The following CNTN3 variants were observed in gnomAD, a reference collection of about 807,000 sequenced individuals.
CNTN3 encodes the protein contactin-3.
Under a neutral mutation model 119.1 loss-of-function variants are expected in CNTN3, and 60 were observed. The observed-to-expected ratio is 0.50, with a 90% CI of 0.41 to 0.62. The LOEUF (loss-of-function observed/expected upper bound fraction) is 0.62, where lower values mean the gene tolerates loss of function less well. Ranked by LOEUF, CNTN3 falls within the 20% of genes least tolerant of loss-of-function variation. The pLI is 0.00. For synonymous variants in CNTN3, 450 were observed against 438.7 expected, an observed-to-expected ratio of 1.03 and a Z score of -0.32; for missense variants, 1,101 against 1,242.4, an observed-to-expected ratio of 0.89 and a Z score of 1.71.
chr3:74,379,966 C>T (rs1232767456), intron 5 of CNTN3, among the ~76,000 whole-genome samples: 2 of 152,132 alleles, frequency 1.3e-5, no homozygotes. Flanking sequence ...GAAACTTAGA[C>T]AATTCCCTCA....
At chr3:74,307,726 G>T (rs1208905084) in intron 13 of CNTN3, among the ~76,000 whole-genome samples, 1 of 152,042 alleles carries the variant, frequency 6.6e-6, no homozygotes, top group Non-Finnish European at 1.5e-5. Flanking sequence ...CTAAAATCAA[G>T]GTTTAAAATA....
intron 1 of CNTN3, among the ~76,000 whole-genome samples, chr3:74,557,121 AAAAG>A (rs151218749): frequency 0.07 from 10,714 of 152,230 alleles, 398 homozygotes; most frequent in Admixed American, 0.095. Context: ...TCTGCAGCAT[AAAAG>A]TTCCTAATTT....
intron 5 of CNTN3, among the ~76,000 whole-genome samples, chr3:74,392,798 G>A (rs963494592): frequency 1.3e-5 from 2 of 152,162 alleles, no homozygotes; most frequent in Non-Finnish European, 2.9e-5. Flanking sequence ...GTCAGGGACA[G>A]AGCTTATTTT....
At chr3:74,283,785 A>G (rs898508706) in intron 20 of CNTN3, among the ~76,000 whole-genome samples, 1 of 152,182 alleles carries the variant, frequency 6.6e-6, no homozygotes, top group Non-Finnish European at 1.5e-5. Context: ...AACCAAACAT[A>G]TTTAGTAAAG....
rs567935067 is a variant in CNTN3 at position 74,403,992 on chromosome 3, T to G, written c.454+20853A>C. On this transcript the variant is annotated intron_variant, in intron 5 of 22. Transcript: ENST00000263665. ...TCCTTCTTCCCAAACTCGTAATACT[T>G]TCATCTATTCTGCTCTTACAAGACT... Among the ~76,000 whole-genome samples the G allele has an allele frequency of 7.9e-5, 12 of 152,210 alleles. No individual in the cohort carries two copies. The East Asian group carries it at 9.6e-4, about 12-fold the overall frequency.
intron 13 of CNTN3, among the ~76,000 whole-genome samples, chr3:74,323,035 G>C (rs1280241206): frequency 6.6e-6 from 1 of 152,186 alleles, no homozygotes; most frequent in Non-Finnish European, 1.5e-5. Flanking sequence ...TTTTAGGGCG[G>C]TGAAGCTATT....
At chr3:74,393,488 C>A (rs1340284159) in intron 5 of CNTN3, among the ~76,000 whole-genome samples, 3 of 152,166 alleles carry the variant, frequency 2.0e-5, no homozygotes. Flanking sequence ...TGTGACCTTC[C>A]CTTTCTTGAT....
chr3:74,348,579 G>A (rs892813725), intron 11 of CNTN3, among the ~76,000 whole-genome samples: 19 of 152,104 alleles, frequency 1.2e-4, no homozygotes, highest in African/African-American at 4.3e-4. Context: ...ACTCACCCAT[G>A]CGGAGAGACC....
intron 1 of CNTN3, among the ~76,000 whole-genome samples, chr3:74,593,314 C>T (rs996355186): frequency 2.8e-4 from 43 of 151,928 alleles, no homozygotes; most frequent in Non-Finnish European, 1.5e-5. Flanking sequence ...TGAAAGAATA[C>T]AAACTCTATT....
intron 5 of CNTN3, among the ~76,000 whole-genome samples, chr3:74,417,329 C>T (rs977053552): frequency 3.3e-5 from 5 of 152,124 alleles, no homozygotes; most frequent in African/African-American, 7.2e-5. Flanking sequence ...GGGCAGTATT[C>T]GACAAGTATC....
intron 5 of CNTN3, among the ~76,000 whole-genome samples, chr3:74,394,382 T>TA (rs1215081517): frequency 6.6e-6 from 1 of 152,150 alleles, no homozygotes; most frequent in Non-Finnish European, 1.5e-5. Context: ...ATAACGCTAT[T>TA]AGAGAACAGA....
At chr3:74,475,180 A>C (rs1702633179) in intron 4 of CNTN3, among the ~76,000 whole-genome samples, 1 of 152,178 alleles carries the variant, frequency 6.6e-6, no homozygotes, top group Non-Finnish European at 1.5e-5. Flanking sequence ...TGCTTCACTC[A>C]CTAACATTAT....
intron 5 of CNTN3, among the ~76,000 whole-genome samples, chr3:74,379,974 T>G (rs1704575304): frequency 6.6e-6 from 1 of 152,240 alleles, no homozygotes; most frequent in East Asian, 1.9e-4. Context: ...GACAATTCCC[T>G]CATGCCACAG....
At chr3:74,425,816 T>A (rs1473400422) in intron 4 of CNTN3, among the ~76,000 whole-genome samples, 1 of 152,144 alleles carries the variant, frequency 6.6e-6, no homozygotes, top group Non-Finnish European at 1.5e-5. Context: ...GTATAAGTCC[T>A]ATTTTTCCCA....
intron 1 of CNTN3, among the ~76,000 whole-genome samples, chr3:74,582,533 A>G (rs1704529311): frequency 6.6e-6 from 1 of 152,248 alleles, no homozygotes; most frequent in African/African-American, 2.4e-5. Flanking sequence ...AAAATAGGCA[A>G]TACTTCAACA....
intron 1 of CNTN3, among the ~76,000 whole-genome samples, chr3:74,613,557 CTTG>C (rs1479562539): frequency 6.6e-6 from 1 of 152,100 alleles, no homozygotes; most frequent in Non-Finnish European, 1.5e-5. Context: ...GACACATCTC[CTTG>C]TTGTAAATCA....
chr3:74,364,399 C>T lies in CNTN3; in HGVS notation c.1213+68G>A. On this transcript the variant is annotated intron_variant, in intron 10 of 22. Transcript: ENST00000263665. ...AACCTAATGTGAAAAGTAAATATTA[C>T]TGCTTCTGGAAACAATGAAGGATTT... The T allele has an allele frequency of 3.4e-6, 5 of 1,459,722 alleles. No individual in the cohort carries two copies. The South Asian group carries it at 4.9e-5, about 14-fold the overall frequency. The allele number at this position is 1,459,722 out of a possible 1,614,324, so 90.4% of individuals were successfully genotyped here. A position where few individuals can be genotyped will look rare whatever the true frequency, so the allele number is the denominator to read the frequency against.
chr3:74,326,467 G>A (rs1470732632), intron 13 of CNTN3, among the ~76,000 whole-genome samples: 1 of 152,016 alleles, frequency 6.6e-6, no homozygotes, highest in Non-Finnish European at 1.5e-5. Flanking sequence ...TTTGTGTTGG[G>A]AACATTCAGA....
At chr3:74,443,519 C>T (rs1223361714) in intron 4 of CNTN3, among the ~76,000 whole-genome samples, 1 of 152,162 alleles carries the variant, frequency 6.6e-6, no homozygotes, top group Non-Finnish European at 1.5e-5. Flanking sequence ...AACTCTTTCG[C>T]ATGGCTGATG....
Sources: allele counts gnomAD v4.1 joint callset (sites outside exome capture counted in the v4.1 genomes callset), GRCh38; gene constraint gnomAD v4.1.1; transcripts MANE v1.5; gene names NCBI Gene and HGNC (gene_info 2026-07-23, HGNC 2026-07-21).